The following TTC39C variants were observed in gnomAD, a reference collection of about 807,000 sequenced individuals.
The protein encoded by TTC39C is tetratricopeptide repeat protein 39C.
In TTC39C, 33 loss-of-function variants were observed where a neutral mutation model predicts 76.3. The ratio of observed to expected loss-of-function variants is 0.43; its 90% CI spans 0.33 to 0.58. TTC39C has a LOEUF of 0.58. Ranked by LOEUF, TTC39C falls within the 20% of genes least tolerant of loss-of-function variation. The pLI, the probability that TTC39C is intolerant of heterozygous loss-of-function variation, is 0.04. For missense variants in TTC39C, 595 were observed against 701.4 expected (o/e 0.85, Z 1.71); for synonymous variants, 254 against 260.6 (o/e 0.97, Z 0.24).
chr18:24,012,864 C>T (rs1267637822), upstream of TTC39C: 1 of 151,958 alleles, frequency 6.6e-6, no homozygotes, highest in Non-Finnish European at 1.5e-5. Context: ...CACACACACA[C>T]ACACACACAC....
At chr18:23,994,914 T>A (rs1988484) in intron 1 of TTC39C, among the ~76,000 whole-genome samples, 149,114 of 149,732 alleles carry the variant, frequency 1, 74,249 homozygotes, top group East Asian at 1. Context: ...TAAAAAAAAA[T>A]AATAATAATT....
At chr18:24,127,793 A>C (rs565109727) in intron 10 of TTC39C, among the ~76,000 whole-genome samples, 58 of 152,212 alleles carry the variant, frequency 3.8e-4, no homozygotes, top group Non-Finnish European at 6.5e-4. Context: ...GGGGATTACC[A>C]GCATAAGCCA....
chr18:24,065,965 T>G, intron 2 of TTC39C, 47 bp from the exon 3 acceptor site: 1 of 1,493,914 alleles, frequency 6.7e-7, no homozygotes, highest in South Asian at 1.3e-5. Context: ...TGGCTTAAAT[T>G]TTCAGATACT....
intron 1 of TTC39C, among the ~76,000 whole-genome samples, chr18:24,001,832 T>TTTTGGG (rs377108643): frequency 1.5e-5 from 2 of 134,356 alleles, no homozygotes; most frequent in Admixed American, 7.7e-5. Context: ...TGTTTTTTTT[T>TTTTGGG]TTTTTTTTTT....
intron 8 of TTC39C, among the ~76,000 whole-genome samples, chr18:24,123,441 C>G (rs1456973979): frequency 6.6e-6 from 1 of 152,164 alleles, no homozygotes; most frequent in Non-Finnish European, 1.5e-5. Flanking sequence ...GAGTCTCATT[C>G]TGTCGCCCAG....
chr18:24,113,734 G>A (rs1311527468), intron 6 of TTC39C: 57 of 700,678 alleles, frequency 8.1e-5, no homozygotes, highest in Non-Finnish European at 1.5e-4. Flanking sequence ...TCATGCTTTT[G>A]AGCTGCTCCT....
chr18:24,050,875 G>GA (rs56836246), intron 1 of TTC39C, among the ~76,000 whole-genome samples: 98,488 of 142,636 alleles, frequency 0.69, 34,545 homozygotes, highest in Non-Finnish European at 0.78. Context: ...TCCATCTCAG[G>GA]AAAAAAAAAA....
intron 6 of TTC39C, among the ~76,000 whole-genome samples, chr18:24,089,488 A>C (rs1231271762): frequency 6.6e-6 from 1 of 152,152 alleles, no homozygotes; most frequent in African/African-American, 2.4e-5. Flanking sequence ...GATTGATCTA[A>C]TTTGGTGTAG....
chr18:24,015,243 G>T, intron 1 of TTC39C: 1 of 469,590 alleles, frequency 2.1e-6, no homozygotes, highest in Non-Finnish European at 3.6e-6. Flanking sequence ...CGGCTCCGTT[G>T]TCCTTTCCCT....
At chr18:24,022,681 C>T (rs2083531771) in intron 1 of TTC39C, 1 of 985,314 alleles carries the variant, frequency 1.0e-6, no homozygotes, top group Non-Finnish European at 1.2e-6. Flanking sequence ...GGGGAGATGT[C>T]ACCCCAAGCT....
chr18:24,090,076 ATAAT>A (rs1406945570), intron 6 of TTC39C, among the ~76,000 whole-genome samples: 1 of 152,192 alleles, frequency 6.6e-6, no homozygotes, highest in Non-Finnish European at 1.5e-5. Flanking sequence ...TTTTAAGTAA[ATAAT>A]TGACATGCAG....
chr18:24,081,309 A>G (rs778248630), intron 5 of TTC39C, among the ~76,000 whole-genome samples: 2 of 152,222 alleles, frequency 1.3e-5, no homozygotes, highest in African/African-American at 2.4e-5. Flanking sequence ...TTTTATTCTT[A>G]TAAAGAATTC....
At chr18:24,073,740 G>A (rs1401255615) in intron 4 of TTC39C, among the ~76,000 whole-genome samples, 1 of 152,144 alleles carries the variant, frequency 6.6e-6, no homozygotes, top group African/African-American at 2.4e-5. Flanking sequence ...GGCAGGTCTT[G>A]AACTCCTGGG....
chr18:24,096,576 G>A (rs1174094976), intron 6 of TTC39C, among the ~76,000 whole-genome samples: 1 of 152,124 alleles, frequency 6.6e-6, no homozygotes, highest in Non-Finnish European at 1.5e-5. Flanking sequence ...CTCTTTGCAT[G>A]TATGAGATGT....
chr18:24,075,997 G>A (rs2084303214), intron 4 of TTC39C, among the ~76,000 whole-genome samples: 1 of 152,118 alleles, frequency 6.6e-6, no homozygotes, highest in African/African-American at 2.4e-5. Context: ...TCCTCATAAG[G>A]TGGGACAGAT....
intron 4 of TTC39C, among the ~76,000 whole-genome samples, chr18:24,075,148 C>T (rs1445595188): frequency 1.5e-5 from 2 of 137,666 alleles, no homozygotes; most frequent in Non-Finnish European, 3.0e-5. Context: ...CGGGGCCTGT[C>T]GTGGGGTGGG....
At chr18:24,099,463 G>A (rs1029856043) in intron 6 of TTC39C, 3 of 151,826 alleles carry the variant, frequency 2.0e-5, no homozygotes, top group South Asian at 2.1e-4. Context: ...AGGATTTCAT[G>A]TATCAATTTT....
chr18:24,085,553 C>G (rs904211208), intron 6 of TTC39C, among the ~76,000 whole-genome samples: 4 of 152,130 alleles, frequency 2.6e-5, no homozygotes, highest in African/African-American at 9.7e-5. Context: ...TCCTTGTTGT[C>G]AAGATGGTTC....
At chr18:23,999,482 A>G (rs2083295140) in intron 1 of TTC39C, among the ~76,000 whole-genome samples, 1 of 152,182 alleles carries the variant, frequency 6.6e-6, no homozygotes. Flanking sequence ...TCCTCTGTGG[A>G]TTCAACTCTC....
Sources: gnomAD v4.1 joint callset for allele counts (sites outside exome capture counted in the v4.1 genomes callset) on GRCh38, gnomAD v4.1.1 for gene constraint, MANE v1.5 for transcripts, NCBI Gene and HGNC (gene_info 2026-07-23, HGNC 2026-07-21) for gene names.